The following AK5 variants were observed in gnomAD, a reference collection of about 807,000 sequenced individuals.
AK5 encodes adenylate kinase isoenzyme 5.
Under a neutral mutation model 69.5 loss-of-function variants are expected in AK5, and 27 were observed. The ratio of observed to expected loss-of-function variants is 0.39; its 90% CI spans 0.29 to 0.54. The LOEUF is 0.54. AK5 is among the 20% of genes least tolerant of loss of function. The pLI, the probability that AK5 is intolerant of heterozygous loss-of-function variation, is 0.71. For synonymous variants in AK5, 260 were observed against 244.4 expected, an observed-to-expected ratio of 1.06 and a Z score of -0.60; for missense variants, 531 against 700.4, an observed-to-expected ratio of 0.76 and a Z score of 2.73.
chr1:77,404,424 T>G (rs1433624203), intron 6 of AK5, among the ~76,000 whole-genome samples: 2 of 151,968 alleles, frequency 1.3e-5, no homozygotes, highest in Admixed American at 6.6e-5. Context: ...ATATGTTGTT[T>G]ATGAAAAACA....
intron 5 of AK5, among the ~76,000 whole-genome samples, chr1:77,318,231 C>T (rs189469953): frequency 9.9e-5 from 15 of 152,166 alleles, no homozygotes; most frequent in Admixed American, 7.2e-4. Flanking sequence ...GGGTAGATGG[C>T]ACTTCACATG....
chr1:77,282,845 T>A, intron 1 of AK5: 1 of 988,256 alleles, frequency 1.0e-6, no homozygotes, highest in South Asian at 4.7e-5. Context: ...AAGGCAGCCC[T>A]TCCTGGAGAC....
At chr1:77,469,302 G>A (rs1273424453) in intron 8 of AK5, among the ~76,000 whole-genome samples, 1 of 152,204 alleles carries the variant, frequency 6.6e-6, no homozygotes, top group Non-Finnish European at 1.5e-5. Context: ...CTGTGAAGGT[G>A]TTTTGTAGAT....
intron 8 of AK5, among the ~76,000 whole-genome samples, chr1:77,474,108 T>C (rs1252260059): frequency 1.3e-5 from 2 of 152,166 alleles, no homozygotes; most frequent in Non-Finnish European, 2.9e-5. Flanking sequence ...GACTCATTTG[T>C]CTCATGTGGA....
chr1:77,420,396 T>C (rs1001270124), intron 8 of AK5: 1 of 152,150 alleles, frequency 6.6e-6, no homozygotes, highest in African/African-American at 2.4e-5. Context: ...GAAAAAAAAA[T>C]TCTTTTAAAA....
At chr1:77,463,564 T>C (rs1653963441) in intron 8 of AK5, among the ~76,000 whole-genome samples, 1 of 49,058 alleles carries the variant, frequency 2.0e-5, no homozygotes, top group Admixed American at 3.1e-4. Flanking sequence ...AAAACCTGTT[T>C]AGCTTTAAAA....
In AK5 at chr1:77,486,286, TTAAG is replaced by T. The variant is rs750263718; in HGVS notation, c.1103-20_1103-17del. Reference sequence around the variant, plus strand: ...CAGTACAGTTTTTCTTGCCAATAACTTAAGTTATTCTTATTTTAAAGGTTTCATG... The same window carrying T: ...CAGTACAGTTTTTCTTGCCAATAACTTTATTCTTATTTTAAAGGTTTCATG... On this transcript the variant is annotated intron_variant, in intron 9 of 13. Coordinates refer to ENST00000354567, the MANE Select transcript of AK5 (RefSeq NM_174858.3). 18 of 1,517,288 alleles carry T rather than the reference TTAAG, an allele frequency of 1.2e-5. No homozygotes were observed. In the East Asian group the frequency reaches 4.1e-4, roughly 34 times the overall value. The allele number at this position is 1,517,288 out of a possible 1,614,324, so 94.0% of individuals were successfully genotyped here.
intron 8 of AK5, among the ~76,000 whole-genome samples, chr1:77,430,553 T>C (rs937498845): frequency 6.6e-6 from 1 of 152,180 alleles, no homozygotes; most frequent in African/African-American, 2.4e-5. Context: ...TGAGCCTTTT[T>C]AATATAGATA....
At chr1:77,406,012 T>C (rs1649603749) in intron 6 of AK5, among the ~76,000 whole-genome samples, 1 of 152,170 alleles carries the variant, frequency 6.6e-6, no homozygotes, top group African/African-American at 2.4e-5. Flanking sequence ...CTTTAATTTA[T>C]AAAATGACAG....
At chr1:77,431,926 C>T (rs1651665568) in intron 8 of AK5, among the ~76,000 whole-genome samples, 1 of 152,166 alleles carries the variant, frequency 6.6e-6, no homozygotes, top group Non-Finnish European at 1.5e-5. Flanking sequence ...TTTGGAAAGG[C>T]AATTGCTGGG....
chr1:77,502,693 T>C (rs1244453449), intron 10 of AK5, among the ~76,000 whole-genome samples: 1 of 152,178 alleles, frequency 6.6e-6, no homozygotes, highest in Non-Finnish European at 1.5e-5. Context: ...AAGATGCTCA[T>C]CTGTGGAGTG....
rs575964136 is a variant in AK5, at chr1:77,290,744, C to T, written c.248-3049C>T. ...TCTTTTCCTGTTTCCATGAAGTCAG[C>T]CAGTAAGTCAGTTGGGCAATAAATT... On this transcript the variant is annotated intron_variant, in intron 2 of 13. Coordinates refer to ENST00000354567, the MANE Select transcript of AK5 (RefSeq NM_174858.3). 1.1e-4 allele frequency among the ~76,000 whole-genome samples: 16 copies of T among 152,274 alleles called. No homozygotes were observed. In the South Asian group the frequency reaches 3.1e-3, roughly 30 times the overall value.
intron 10 of AK5, among the ~76,000 whole-genome samples, chr1:77,511,472 A>T (rs1657343856): frequency 6.6e-6 from 1 of 152,242 alleles, no homozygotes; most frequent in Non-Finnish European, 1.5e-5. Flanking sequence ...GAAATGAGAC[A>T]GTCTTCATCT....
At chr1:77,290,061 T>C (rs949625082) in intron 2 of AK5, among the ~76,000 whole-genome samples, 2 of 152,156 alleles carry the variant, frequency 1.3e-5, no homozygotes, top group Admixed American at 6.5e-5. Flanking sequence ...AATTTTAGGT[T>C]CTCCATACCT....
At chr1:77,292,265 T>C (rs1360666393) in intron 2 of AK5, among the ~76,000 whole-genome samples, 1 of 152,228 alleles carries the variant, frequency 6.6e-6, no homozygotes, top group Non-Finnish European at 1.5e-5. Flanking sequence ...ATACTGTTGT[T>C]GGTGCTTTTC....
intron 6 of AK5, among the ~76,000 whole-genome samples, chr1:77,366,429 A>G (rs556122767): frequency 5.3e-5 from 8 of 152,182 alleles, no homozygotes; most frequent in Non-Finnish European, 1.0e-4. Context: ...TAATTATAAT[A>G]TGGATAAGAC....
chr1:77,353,519 G>A (rs1662328161), intron 6 of AK5, among the ~76,000 whole-genome samples: 1 of 152,042 alleles, frequency 6.6e-6, no homozygotes, highest in Non-Finnish European at 1.5e-5. Context: ...TGTGTGCCAG[G>A]TGTTTCTATT....
chr1:77,449,295 G>A (rs1652988295), intron 8 of AK5, among the ~76,000 whole-genome samples: 1 of 152,226 alleles, frequency 6.6e-6, no homozygotes, highest in Non-Finnish European at 1.5e-5. Context: ...TCTTGCATCA[G>A]TGTGGCCTGG....
At chr1:77,502,148 T>C (rs898430090) in intron 10 of AK5, among the ~76,000 whole-genome samples, 1 of 152,140 alleles carries the variant, frequency 6.6e-6, no homozygotes, top group Non-Finnish European at 1.5e-5. Flanking sequence ...ATAACTGAAG[T>C]TAAACAAGGT....
Sources: allele counts gnomAD v4.1 joint callset (sites outside exome capture counted in the v4.1 genomes callset), GRCh38; gene constraint gnomAD v4.1.1; transcripts MANE v1.5; gene names NCBI Gene and HGNC (gene_info 2026-07-23, HGNC 2026-07-21).